The following FAF1 variants were observed in gnomAD, a reference collection of about 807,000 sequenced individuals.
The protein encoded by FAF1 is FAS-associated factor 1.
FAF1 carries 25 observed loss-of-function variants against 92.5 expected under a neutral mutation model. The observed-to-expected ratio is 0.27, with a 90% CI of 0.20 to 0.38. The LOEUF (loss-of-function observed/expected upper bound fraction) is 0.38. Among genes scored for constraint, FAF1 ranks in the 10% least tolerant of loss-of-function variants. The pLI is 1.00. For missense variants in FAF1, 636 were observed against 793.3 expected (o/e 0.80, Z 2.38); for synonymous variants, 234 against 273.2 (o/e 0.86, Z 1.42).
chr1:50,885,531 G>A (rs1179123864), intron 1 of FAF1, among the ~76,000 whole-genome samples: 1 of 151,752 alleles, frequency 6.6e-6, no homozygotes, highest in Non-Finnish European at 1.5e-5. Context: ...TCCATTACAT[G>A]GAATATCTCT....
At chr1:50,818,225 A>T (rs1475712552) in intron 2 of FAF1, among the ~76,000 whole-genome samples, 6 of 152,238 alleles carry the variant, frequency 3.9e-5, no homozygotes, top group Admixed American at 3.9e-4. Context: ...GCGTGAAATT[A>T]AAAAGACTAT....
intron 1 of FAF1, among the ~76,000 whole-genome samples, chr1:50,934,621 G>T (rs1645072592): frequency 6.6e-6 from 1 of 152,138 alleles, no homozygotes; most frequent in Admixed American, 6.5e-5. Context: ...CTACACAAGA[G>T]GCTGAGACAG....
At chr1:50,735,216 A>G (rs974822520) in intron 6 of FAF1, among the ~76,000 whole-genome samples, 2 of 152,214 alleles carry the variant, frequency 1.3e-5, no homozygotes, top group Admixed American at 1.3e-4. Context: ...TATAATTAAC[A>G]GTTTGTTTTC....
chr1:50,496,708 A>G (rs1325265199), intron 15 of FAF1, among the ~76,000 whole-genome samples: 3 of 152,142 alleles, frequency 2.0e-5, no homozygotes, highest in Non-Finnish European at 4.4e-5. Flanking sequence ...CCTGACCTAC[A>G]TGGTGAAACA....
chr1:50,665,076 A>T (rs1655563362), intron 7 of FAF1, among the ~76,000 whole-genome samples: 1 of 152,270 alleles, frequency 6.6e-6, no homozygotes, highest in Admixed American at 6.5e-5. Context: ...TCATTTAAAA[A>T]TCAAGTAAAT....
chr1:50,848,902 C>G (rs748990800), intron 2 of FAF1, among the ~76,000 whole-genome samples: 1 of 152,030 alleles, frequency 6.6e-6, no homozygotes, highest in Non-Finnish European at 1.5e-5. Flanking sequence ...TGATCTTGAA[C>G]CAGAAAAAGC....
intron 7 of FAF1, among the ~76,000 whole-genome samples, chr1:50,671,636 G>A (rs1287159808): frequency 6.6e-6 from 1 of 152,024 alleles, no homozygotes; most frequent in Admixed American, 6.6e-5. Context: ...ATGTATTCAC[G>A]TAGTAGGTTA....
intron 4 of FAF1, among the ~76,000 whole-genome samples, chr1:50,763,889 T>C (rs1250606610): frequency 6.6e-6 from 1 of 152,216 alleles, no homozygotes; most frequent in African/African-American, 2.4e-5. Flanking sequence ...CAAATTTCAG[T>C]GTACTATCAA....
intron 7 of FAF1, among the ~76,000 whole-genome samples, chr1:50,705,504 A>T (rs1657637992): frequency 6.6e-6 from 1 of 152,238 alleles, no homozygotes. Context: ...TTGAATAATG[A>T]CTATAAAACC....
intron 18 of FAF1, among the ~76,000 whole-genome samples, chr1:50,446,220 C>T (rs896076871): frequency 2.6e-5 from 4 of 152,186 alleles, no homozygotes; most frequent in African/African-American, 7.2e-5. Context: ...TAGGAGCAGA[C>T]GCAGCACTGC....
intron 2 of FAF1, among the ~76,000 whole-genome samples, chr1:50,818,791 C>T (rs1328547233): frequency 6.6e-6 from 1 of 151,822 alleles, no homozygotes; most frequent in Admixed American, 6.6e-5. Flanking sequence ...GAGCTGAGAT[C>T]GCGCCACTGC....
chr1:50,767,334 T>A (rs903019423), intron 4 of FAF1, among the ~76,000 whole-genome samples: 6 of 152,150 alleles, frequency 3.9e-5, no homozygotes, highest in Admixed American at 1.3e-4. Flanking sequence ...CACATCTACA[T>A]CTCACTGGTG....
intron 6 of FAF1, among the ~76,000 whole-genome samples, chr1:50,724,306 C>CACACAT (rs764857214): frequency 0.24 from 34,877 of 144,780 alleles, 4,408 homozygotes; most frequent in Middle Eastern, 0.42. Flanking sequence ...TACACACACA[C>CACACAT]ACACACACAC....
chr1:50,886,924 T>A (rs1644670916), intron 1 of FAF1, among the ~76,000 whole-genome samples: 1 of 152,228 alleles, frequency 6.6e-6, no homozygotes, highest in Non-Finnish European at 1.5e-5. Flanking sequence ...AAATGGTATT[T>A]CTACTTCTAG....
chr1:50,785,168 T>C (rs1450838761), intron 4 of FAF1, among the ~76,000 whole-genome samples: 1 of 113,760 alleles, frequency 8.8e-6, no homozygotes, highest in Non-Finnish European at 1.9e-5. Context: ...CTTGAAACTA[T>C]AAAACTTGTA....
intron 1 of FAF1, among the ~76,000 whole-genome samples, chr1:50,951,032 A>G (rs931937302): frequency 1.3e-5 from 2 of 152,224 alleles, no homozygotes; most frequent in Non-Finnish European, 2.9e-5. Context: ...GGAGTTCGAG[A>G]CCAGACTGGC....
chr1:50,596,256 G>A, intron 8 of FAF1, 40 bp from the exon 9 acceptor site: 2 of 1,408,606 alleles, frequency 1.4e-6, no homozygotes, highest in East Asian at 2.3e-5. Context: ...ACAAAATACG[G>A]CCATGTTTCA....
At chr1:50,853,888 TA>T (rs1644371067) in intron 2 of FAF1, among the ~76,000 whole-genome samples, 1 of 152,126 alleles carries the variant, frequency 6.6e-6, no homozygotes, top group Non-Finnish European at 1.5e-5. Flanking sequence ...CTACTATTTA[TA>T]ATTGACTGCT....
chr1:50,827,065 G>A (rs1227973180), intron 2 of FAF1, among the ~76,000 whole-genome samples: 14 of 151,432 alleles, frequency 9.2e-5, no homozygotes, highest in East Asian at 3.9e-4. Context: ...CAGCCACCCC[G>A]TCTGGGAGGT....
Sources: gnomAD v4.1 joint callset for allele counts (sites outside exome capture counted in the v4.1 genomes callset) on GRCh38, gnomAD v4.1.1 for gene constraint, MANE v1.5 for transcripts, NCBI Gene and HGNC (gene_info 2026-07-23, HGNC 2026-07-21) for gene names.